The following USP6 variants were observed in gnomAD, a reference collection of about 807,000 sequenced individuals.
USP6 encodes the protein ubiquitin specific peptidase 6.
USP6 carries 128 observed loss-of-function variants against 175.7 expected under a neutral mutation model. That is an observed-to-expected ratio of 0.73 (90% CI 0.63 to 0.84). USP6 has a LOEUF of 0.84. Among genes scored for constraint, USP6 ranks in the 40% least tolerant of loss-of-function variants. The probability of loss-of-function intolerance (pLI) is 0.00; values close to 1 mark genes in which losing one functional copy is unlikely to be tolerated. For missense variants in USP6, 1,498 were observed against 1,760.3 expected (o/e 0.85, Z 2.67); for synonymous variants, 562 against 630.6 (o/e 0.89, Z 1.63).
At chr17:5,137,448 C>T (rs904267429) in intron 19 of USP6, among the ~76,000 whole-genome samples, 1 of 152,210 alleles carries the variant, frequency 6.6e-6, no homozygotes, top group Non-Finnish European at 1.5e-5. Flanking sequence ...AAGCCCCTCT[C>T]TCCAGGAGCC....
chr17:5,162,216 A>G (rs1314732769), intron 32 of USP6, among the ~76,000 whole-genome samples: 1 of 151,956 alleles, frequency 6.6e-6, no homozygotes, highest in East Asian at 1.9e-4. Flanking sequence ...CAGTGGCTCA[A>G]TCTTGGCTCA....
chr17:5,157,782 C>G (rs1431311773), intron 31 of USP6, among the ~76,000 whole-genome samples: 1 of 152,084 alleles, frequency 6.6e-6, no homozygotes, highest in Non-Finnish European at 1.5e-5. Context: ...AGGTGCACAC[C>G]ACCACACTCG....
At chr17:5,153,568 G>A (rs956753748) in intron 30 of USP6, among the ~76,000 whole-genome samples, 3 of 152,218 alleles carry the variant, frequency 2.0e-5, no homozygotes, top group Non-Finnish European at 4.4e-5. Flanking sequence ...TTACAGGCAT[G>A]AGCCACCGCA....
chr17:5,148,677 G>T lies in USP6; in HGVS notation c.2553G>T (p.Lys851Asn). The T allele has an allele frequency of 6.2e-7, 1 of 1,613,852 alleles. No homozygotes were observed. The highest frequency in any genetic ancestry group is 2.2e-5 in the East Asian group (1 of 44,866). ...CTGTTGTGCCATGTGGAACTGAGAA[G>T]AACTTCACAAATGGAATGGTTAATG... ...PNTVVPCGTE[K>N]NFTNGMVNGH... Residue 851 changes from lysine (K) to asparagine (N), a missense_variant, in exon 30 of 38, where the codon AAG becomes AAT. Coordinates refer to ENST00000574788, the MANE Select transcript of USP6 (RefSeq NM_001304284.2).
chr17:5,117,402 G>T (rs961019133), intron 1 of USP6, among the ~76,000 whole-genome samples: 1 of 151,856 alleles, frequency 6.6e-6, no homozygotes, highest in African/African-American at 2.4e-5. Flanking sequence ...TGTAATCCCA[G>T]CTACTCAGGA....
In USP6 at chr17:5,116,740, T is replaced by C. The variant is rs1021424729; in HGVS notation, c.-1928T>C. 2.6e-5 allele frequency: 4 copies of C among 152,256 alleles called. No individual in the cohort carries two copies. Among genetic ancestry groups the C allele is most frequent in the Non-Finnish European group, 4.4e-5 (3 of 68,056 alleles). The allele number at this position is 152,256 out of a possible 1,614,324, so 9.4% of individuals were successfully genotyped here. A position where few individuals can be genotyped will look rare whatever the true frequency, so the allele number is the denominator to read the frequency against. ...TGAATTCGTTTCTTCACTTACTAGT[T>C]GTGAGTCTTTGGGCAAATTTGCCTT... On this transcript the variant is annotated splice_region_variant and 5_prime_UTR_variant, in exon 1 of 38. Transcript: ENST00000574788.
chr17:5,158,617 GA>G (rs2073940053), intron 31 of USP6, among the ~76,000 whole-genome samples: 1 of 21,740 alleles, frequency 4.6e-5, no homozygotes, highest in African/African-American at 1.5e-4. Flanking sequence ...GAGAGGGGGA[GA>G]GAGAGAGAGA....
intron 24 of USP6, 62 bp downstream of exon 24, chr17:5,142,203 T>C (rs1471468628): frequency 1.9e-6 from 3 of 1,569,222 alleles, no homozygotes; most frequent in Non-Finnish European, 2.6e-6. Flanking sequence ...CACTATCACC[T>C]AAATTTCCTC....
chr17:5,158,617 GAGAGA>G (rs2073940117), intron 31 of USP6, among the ~76,000 whole-genome samples: 1 of 21,740 alleles, frequency 4.6e-5, no homozygotes, highest in East Asian at 2.0e-3. Context: ...GAGAGGGGGA[GAGAGA>G]GAGAGAGAGA....
intron 4 of USP6, among the ~76,000 whole-genome samples, 158 bp from the exon 5 acceptor site, chr17:5,124,408 G>A (rs192413144): frequency 1.3e-5 from 2 of 152,200 alleles, no homozygotes; most frequent in Admixed American, 6.5e-5. Context: ...AACAGAACTC[G>A]GTTGGGAATG....
chr17:5,148,826 C>T, intron 30 of USP6, 59 bp downstream of exon 30: 1 of 1,585,974 alleles, frequency 6.3e-7, no homozygotes, highest in South Asian at 1.1e-5. Flanking sequence ...GTGAAATAGC[C>T]ATTTTCTGTC....
chr17:5,173,074 G>T lies in USP6; in HGVS notation c.*96G>T. On this transcript the variant is annotated 3_prime_UTR_variant, in exon 38 of 38. Coordinates refer to ENST00000574788, the MANE Select transcript of USP6 (RefSeq NM_001304284.2). ...AGTGTCACTGAAAGACAAGCTAAAT[G>T]TAGTTATTTTATCCTGTTAGAACAA... The T allele has an allele frequency of 1.4e-6, 2 of 1,446,114 alleles. No homozygotes were observed. Among genetic ancestry groups the T allele is most frequent in the Non-Finnish European group, 1.9e-6 (2 of 1,069,660 alleles). 89.6% of individuals were successfully genotyped at this position (1,446,114 alleles called of 1,614,324 possible).
In USP6 at chr17:5,132,327, G is replaced by T. The variant is rs373182208; in HGVS notation, c.156-69G>T. 1 of 1,611,882 alleles carries T rather than the reference G, an allele frequency of 6.2e-7. No homozygotes were observed. Among genetic ancestry groups the T allele is most frequent in the Non-Finnish European group, 8.5e-7 (1 of 1,179,728 alleles). On this transcript the variant is annotated intron_variant, in intron 11 of 37. Transcript: ENST00000574788. The surrounding 1 kb of genome is among the most constrained non-coding windows in gnomAD (Gnocchi z 4.7). Reference sequence around the variant, plus strand: ...GGGACAGAGCCAGTCCTTTCTGGGGGTCGGCTCCCAGGCTTGGGCGGCTCC... The same window carrying T: ...GGGACAGAGCCAGTCCTTTCTGGGGTTCGGCTCCCAGGCTTGGGCGGCTCC...
chr17:5,168,652 T>G, intron 34 of USP6, 115 bp from the exon 35 acceptor site: 1 of 1,387,142 alleles, frequency 7.2e-7, no homozygotes, highest in Non-Finnish European at 9.8e-7. Flanking sequence ...TAATGAAGAG[T>G]AAATGTTCTG....
chr17:5,173,055 A>C lies in USP6; in HGVS notation c.*77A>C. The C allele has an allele frequency of 6.5e-7, 1 of 1,532,076 alleles. No individual in the cohort carries two copies. The highest frequency in any genetic ancestry group is 2.3e-5 in the East Asian group (1 of 43,964). The allele number at this position is 1,532,076 out of a possible 1,614,324, so 94.9% of individuals were successfully genotyped here. On this transcript the variant is annotated 3_prime_UTR_variant, in exon 38 of 38. Coordinates refer to ENST00000574788, the MANE Select transcript of USP6 (RefSeq NM_001304284.2). ...GTAGCTGATACTTGGCAAAAGTGTC[A>C]CTGAAAGACAAGCTAAATGTAGTTA...
intron 2 of USP6, among the ~76,000 whole-genome samples, chr17:5,119,741 A>G (rs1487195068): frequency 6.6e-6 from 1 of 152,232 alleles, no homozygotes; most frequent in Non-Finnish European, 1.5e-5. Flanking sequence ...AGTGATAGTC[A>G]TTAAAACAAG....
rs376744899 is a variant in USP6, at chr17:5,130,448, C to T, written c.72+9C>T. On this transcript the variant is annotated intron_variant, in intron 10 of 37. Transcript: ENST00000574788. ...TTATGAAGTATGACAAGGTACAGTT[C>T]GGTCTGCTCCTTGGAGGGAGGCCTC... 9.2e-5 allele frequency: 149 copies of T among 1,613,940 alleles called. No individual in the cohort carries two copies. The highest frequency in any genetic ancestry group is 1.2e-4 in the Non-Finnish European group (139 of 1,179,976).
Position 5,171,226 on chromosome 17 carries a change from G to A in USP6, c.3954+311G>A, listed in dbSNP as rs150100005. On this transcript the variant is annotated intron_variant, in intron 36 of 37. Coordinates refer to ENST00000574788, the MANE Select transcript of USP6 (RefSeq NM_001304284.2). ...ATGGTGGCATGTGCCTGTGGTCCCAGCTACTTGAAAGGCTGAGGCAGAAGG... is the reference window on the plus strand; with the variant it reads ...ATGGTGGCATGTGCCTGTGGTCCCAACTACTTGAAAGGCTGAGGCAGAAGG... 8.7e-3 allele frequency among the ~76,000 whole-genome samples: 1,326 copies of A among 152,190 alleles called. 18 individuals are homozygous for A. The highest frequency in any genetic ancestry group is 0.031 in the African/African-American group (1,269 of 41,490).
chr17:5,153,381 T>A (rs575527126), intron 30 of USP6, among the ~76,000 whole-genome samples: 1 of 151,464 alleles, frequency 6.6e-6, no homozygotes, highest in Admixed American at 6.6e-5. Context: ...CCGCCTCCTG[T>A]GTTCAAGTGA....
Sources: gnomAD v4.1 joint callset for allele counts (sites outside exome capture counted in the v4.1 genomes callset) on GRCh38, gnomAD v4.1.1 for gene constraint, Gnocchi (gnomAD v3.1) non-coding constraint, MANE v1.5 for transcripts, NCBI Gene and HGNC (gene_info 2026-07-23, HGNC 2026-07-21) for gene names.